CIMIP5: variants seen among roughly 807,000 people sequenced by gnomAD.
CIMIP5 encodes the protein uncharacterized protein C2orf50.
At chr2:11,133,361 C>G in the CIMIP5 span, 1 of 1,610,114 alleles carries the variant, frequency 6.2e-7, no homozygotes, top group Non-Finnish European at 8.5e-7. Context: ...CCCCTGGGCT[C>G]CAGAGAACCA....
the CIMIP5 span, among the ~76,000 whole-genome samples, chr2:11,149,464 G>A: frequency 6.6e-6 from 1 of 152,172 alleles, no homozygotes; most frequent in Non-Finnish European, 1.5e-5. Context: ...CCGGCACTTT[G>A]GGAGGCCGAG....
the CIMIP5 span, chr2:11,143,848 C>A: frequency 7.7e-7 from 1 of 1,299,810 alleles, no homozygotes; most frequent in Non-Finnish European, 1.0e-6. Flanking sequence ...CTGCTCTCTG[C>A]TCTGTTTTCT....
At chr2:11,137,601 A>G in the CIMIP5 span, among the ~76,000 whole-genome samples, 22,772 of 152,128 alleles carry the variant, frequency 0.15, 4,865 homozygotes, top group African/African-American at 0.47. Flanking sequence ...GAGAATGTCT[A>G]AAGAGAAAGT....
the CIMIP5 span, among the ~76,000 whole-genome samples, chr2:11,140,106 G>C: frequency 1.5e-5 from 1 of 68,002 alleles, no homozygotes; most frequent in South Asian, 3.8e-4. Context: ...AAAAAAAAAA[G>C]GCTGGGCGTG....
chr2:11,145,808 TGAGCTCGTG>T, the CIMIP5 span: 1 of 151,130 alleles, frequency 6.6e-6, no homozygotes, highest in Non-Finnish European at 1.5e-5. Flanking sequence ...GAGCCCTGAG[TGAGCTCGTG>T]GAGCAGAATC....
chr2:11,142,266 C>CAAAAAAAAAAAAAAAAAAAAAA, the CIMIP5 span, among the ~76,000 whole-genome samples: 1 of 84,654 alleles, frequency 1.2e-5, no homozygotes. Context: ...AATTCAGTCT[C>CAAAAAAAAAAAAAAAAAAAAAA]AAAAAAAAAA....
At chr2:11,150,458 G>A in the CIMIP5 span, among the ~76,000 whole-genome samples, 37,159 of 151,126 alleles carry the variant, frequency 0.25, 4,893 homozygotes, top group East Asian at 0.48. Context: ...TCAGCCTCCC[G>A]AGTAGCTGGG....
At chr2:11,149,283 G>A in the CIMIP5 span, among the ~76,000 whole-genome samples, 2 of 148,356 alleles carry the variant, frequency 1.3e-5, no homozygotes, top group Admixed American at 6.7e-5. Flanking sequence ...TGAGGACAAC[G>A]CTACCTACTT....
the CIMIP5 span, among the ~76,000 whole-genome samples, chr2:11,148,653 A>G: frequency 4.6e-5 from 7 of 151,678 alleles, no homozygotes; most frequent in Non-Finnish European, 8.8e-5. Flanking sequence ...ACCAAATAAC[A>G]TTAATAATAA....
the CIMIP5 span, among the ~76,000 whole-genome samples, chr2:11,148,664 T>A: frequency 6.7e-6 from 1 of 148,564 alleles, no homozygotes; most frequent in Non-Finnish European, 1.5e-5. Context: ...TTAATAATAA[T>A]AACAATAACA....
chr2:11,140,434 G>T, the CIMIP5 span: 95 of 867,222 alleles, frequency 1.1e-4, no homozygotes, highest in Middle Eastern at 2.4e-4. Context: ...TTGTTGCATT[G>T]ACTTGACACA....
the CIMIP5 span, among the ~76,000 whole-genome samples, chr2:11,152,791 G>A: frequency 7.2e-5 from 11 of 151,996 alleles, no homozygotes; most frequent in Admixed American, 2.0e-4. Context: ...CAGAAGAGCT[G>A]GCATGCTCTT....
chr2:11,149,706 CA>C, the CIMIP5 span, among the ~76,000 whole-genome samples: 3 of 135,074 alleles, frequency 2.2e-5, no homozygotes, highest in Non-Finnish European at 3.1e-5. Context: ...GACCCTATCT[CA>C]AAAAAAATTA....
chr2:11,142,073 C>T, the CIMIP5 span, among the ~76,000 whole-genome samples: 4 of 152,056 alleles, frequency 2.6e-5, no homozygotes, highest in African/African-American at 4.8e-5. Context: ...CAAGACCAGC[C>T]TGACCAACAT....
At chr2:11,150,823 T>C in the CIMIP5 span, among the ~76,000 whole-genome samples, 2 of 151,566 alleles carry the variant, frequency 1.3e-5, no homozygotes, top group East Asian at 1.9e-4. Flanking sequence ...CACAAGGAAA[T>C]TCCTTGTGGG....
At chr2:11,140,437 T>C in the CIMIP5 span, 30 of 1,116,046 alleles carry the variant, frequency 2.7e-5, no homozygotes, top group Non-Finnish European at 3.7e-5. Flanking sequence ...TTGCATTGAC[T>C]TGACACAGTG....
At chr2:11,151,159 C>T in the CIMIP5 span, among the ~76,000 whole-genome samples, 1 of 152,192 alleles carries the variant, frequency 6.6e-6, no homozygotes, top group Non-Finnish European at 1.5e-5. Context: ...CCCCCCTCTT[C>T]GAGTTGTCCT....
chr2:11,133,508 T>G, the CIMIP5 span: 1 of 1,608,478 alleles, frequency 6.2e-7, no homozygotes, highest in East Asian at 2.2e-5. Context: ...AGCGGGTGGC[T>G]CAGGGAGCTG....
chr2:11,151,720 G>A, the CIMIP5 span, among the ~76,000 whole-genome samples: 2 of 152,226 alleles, frequency 1.3e-5, no homozygotes, highest in Non-Finnish European at 2.9e-5. Flanking sequence ...AGTGCAACCT[G>A]TGCCTCCTGG....
Sources: gnomAD v4.1 joint callset for allele counts (sites outside exome capture counted in the v4.1 genomes callset) on GRCh38, gnomAD v4.1.1 for gene constraint, MANE v1.5 for transcripts, NCBI Gene and HGNC (gene_info 2026-07-23, HGNC 2026-07-21) for gene names.